The following CAPRIN1 variants were observed in gnomAD, a reference collection of about 807,000 sequenced individuals.
CAPRIN1 encodes caprin-1.
In CAPRIN1, 29 loss-of-function variants were observed where a neutral mutation model predicts 100.9. That is an observed-to-expected ratio of 0.29 (90% CI 0.21 to 0.39). The LOEUF is 0.39. CAPRIN1 is among the 10% of genes least tolerant of loss of function. The pLI is 1.00. For synonymous variants in CAPRIN1, 338 were observed against 307.5 expected, an observed-to-expected ratio of 1.10 and a Z score of -1.04; for missense variants, 795 against 876.7, an observed-to-expected ratio of 0.91 and a Z score of 1.18.
rs896238091 is a variant in CAPRIN1, at chr11:34,100,403, G to C, written c.*1036G>C. On this transcript the variant is annotated 3_prime_UTR_variant, in exon 19 of 19. Transcript: ENST00000341394. Reference sequence around the variant, plus strand: ...CTTTTCAATTGCTATCTTTTGAAAGGCACCAGTATGTGTTTTAGATTGATT... The same window carrying C: ...CTTTTCAATTGCTATCTTTTGAAAGCCACCAGTATGTGTTTTAGATTGATT... 6.6e-6 allele frequency: 1 copy of C among 152,124 alleles called. No individual in the cohort carries two copies. Among genetic ancestry groups the C allele is most frequent in the African/African-American group, 2.4e-5 (1 of 41,430 alleles). 9.4% of individuals were successfully genotyped at this position (152,124 alleles called of 1,614,324 possible).
intron 7 of CAPRIN1, 140 bp downstream of exon 7, chr11:34,079,905 G>GTTTTT (rs377455073): frequency 2.2e-5 from 7 of 316,652 alleles, no homozygotes; most frequent in African/African-American, 1.7e-4. Flanking sequence ...GCATGACAAA[G>GTTTTT]TTTTTTTTTT....
At chr11:34,079,401 A>C (rs572337784) in intron 6 of CAPRIN1, among the ~76,000 whole-genome samples, 1 of 152,334 alleles carries the variant, frequency 6.6e-6, no homozygotes, top group South Asian at 2.1e-4. Context: ...CTGTATCTCA[A>C]AAACAAACAA....
chr11:34,064,023 C>A (rs1430699251), intron 2 of CAPRIN1, among the ~76,000 whole-genome samples: 1 of 152,188 alleles, frequency 6.6e-6, no homozygotes, highest in African/African-American at 2.4e-5. Context: ...CTGTCTCGGC[C>A]TCCCAGAGTG....
chr11:34,061,995 C>G (rs1256721287), intron 2 of CAPRIN1, among the ~76,000 whole-genome samples: 2 of 147,620 alleles, frequency 1.4e-5, no homozygotes, highest in Admixed American at 6.8e-5. Context: ...AAAGTATATC[C>G]TTACCACCAC....
At chr11:34,072,074 T>TTA in intron 4 of CAPRIN1, 87 bp downstream of exon 4, 1 of 805,158 alleles carries the variant, frequency 1.2e-6, no homozygotes, top group Non-Finnish European at 2.0e-6. Context: ...ATAAGCTCTC[T>TTA]GCAAGGTGAG....
chr11:34,090,795 GT>G (rs1851248952), intron 14 of CAPRIN1, 117 bp downstream of exon 14: 1 of 794,876 alleles, frequency 1.3e-6, no homozygotes. Flanking sequence ...TTCATTAACT[GT>G]AGGGTATATT....
intron 2 of CAPRIN1, among the ~76,000 whole-genome samples, chr11:34,063,785 T>C (rs559676152): frequency 2.0e-4 from 30 of 152,316 alleles, no homozygotes; most frequent in African/African-American, 7.0e-4. Flanking sequence ...CATTGTAACG[T>C]AGTAGGCTTT....
chr11:34,093,227 T>C (rs1462411732), intron 15 of CAPRIN1, among the ~76,000 whole-genome samples: 1 of 147,130 alleles, frequency 6.8e-6, no homozygotes, highest in East Asian at 2.1e-4. Flanking sequence ...ATGGGGTCTC[T>C]GTCTGTTGCC....
chr11:34,099,402 C>T lies in CAPRIN1; in HGVS notation c.*35C>T, dbSNP rs1167647005. 4.0e-5 allele frequency: 60 copies of T among 1,514,322 alleles called. 1 individual carries two copies. In the East Asian group the frequency reaches 1.3e-3, roughly 33 times the overall value. 93.8% of individuals were successfully genotyped at this position (1,514,322 alleles called of 1,614,324 possible). A position where few individuals can be genotyped will look rare whatever the true frequency, so the allele number is the denominator to read the frequency against. ...CAGGATTATGTTTAATCGCCAAAAA[C>T]ACACTGGCCAGTGTACCATAATATG... On this transcript the variant is annotated 3_prime_UTR_variant, in exon 19 of 19. Transcript: ENST00000341394.
chr11:34,076,085 A>G, intron 4 of CAPRIN1, 151 bp from the exon 5 acceptor site: 1 of 608,344 alleles, frequency 1.6e-6, no homozygotes, highest in South Asian at 2.0e-5. Context: ...TATGTTTAAA[A>G]CTATTTGTAA....
intron 11 of CAPRIN1, among the ~76,000 whole-genome samples, chr11:34,089,059 A>C (rs1851206961): frequency 6.6e-6 from 1 of 151,650 alleles, no homozygotes; most frequent in South Asian, 2.1e-4. Context: ...GCTTGAGCCT[A>C]GGAGTTTGAG....
intron 2 of CAPRIN1, among the ~76,000 whole-genome samples, chr11:34,058,888 C>T (rs997678420): frequency 2.0e-5 from 3 of 152,160 alleles, no homozygotes; most frequent in South Asian, 2.1e-4. Context: ...AGTGTGACAA[C>T]CTTTTCATCC....
Position 34,097,673 on chromosome 11 carries a change from C to T in CAPRIN1, c.2002-25C>T, listed in dbSNP as rs1851393462. 1.9e-6 allele frequency: 3 copies of T among 1,613,672 alleles called. No individual in the cohort carries two copies. In the South Asian group the frequency reaches 3.3e-5, roughly 18 times the overall value. Reference sequence around the variant, plus strand: ...AAGCATTTTTTAAAAAGTACCTTTTCAATACTAACTAGCTTGTCTTTTAGG... The same window carrying T: ...AAGCATTTTTTAAAAAGTACCTTTTTAATACTAACTAGCTTGTCTTTTAGG... On this transcript the variant is annotated intron_variant, in intron 17 of 18. Transcript: ENST00000341394.
chr11:34,096,698 T>C (rs929892704), intron 16 of CAPRIN1, 25 bp downstream of exon 16: 15 of 1,549,758 alleles, frequency 9.7e-6, no homozygotes, highest in African/African-American at 1.4e-5. Flanking sequence ...AAGGAGGTTC[T>C]AATGACCTTT....
rs758498277 is a variant in CAPRIN1, at chr11:34,052,532, G to T, written c.112G>T (p.Ala38Ser). Residue 38 changes from alanine (A) to serine (S), a missense_variant, in exon 2 of 19, where the codon GCT becomes TCT. Ala to Ser is a moderately conservative substitution (Grantham distance 99). Around this residue, in one of 3 missense-constraint regions of CAPRIN1, gnomAD observed 109 missense variants for 86.6 expected, o/e 1.26. Transcript: ENST00000341394. Reference protein sequence around the residue: ...AAAGAGAAAPASQHPATGTGA... With the variant: ...AAAGAGAAAPSSQHPATGTGA... ...CGCGGGAGCCGGGGCCGCCGCGCCG[G>T]CTTCTCAGCACCCCGCAACCGGCAC... 6.2e-7 allele frequency: 1 copy of T among 1,606,296 alleles called. No homozygotes were observed. Among genetic ancestry groups the T allele is most frequent in the South Asian group, 1.1e-5 (1 of 90,616 alleles).
At chr11:34,091,365 C>G (rs1262149032) in intron 14 of CAPRIN1, among the ~76,000 whole-genome samples, 2 of 152,190 alleles carry the variant, frequency 1.3e-5, no homozygotes, top group Non-Finnish European at 2.9e-5. Context: ...CAGCTCACTG[C>G]AATATCCGCC....
rs1323233106 is a variant in CAPRIN1 at position 34,101,551 on chromosome 11, T to C, written c.*2184T>C. Among the ~76,000 whole-genome samples, 1 of 152,256 alleles carries C rather than the reference T, an allele frequency of 6.6e-6. No homozygotes were observed. Reference sequence around the variant, plus strand: ...TGTTGTGAATGTGTAAAGGTGTTCATAGTTTGACTGTTTCTATGTATGTTT... The same window carrying C: ...TGTTGTGAATGTGTAAAGGTGTTCACAGTTTGACTGTTTCTATGTATGTTT... On this transcript the variant is annotated 3_prime_UTR_variant, in exon 19 of 19. Transcript: ENST00000341394.
intron 2 of CAPRIN1, among the ~76,000 whole-genome samples, chr11:34,064,419 A>G (rs1402280311): frequency 6.6e-6 from 1 of 152,242 alleles, no homozygotes; most frequent in Non-Finnish European, 1.5e-5. Flanking sequence ...AAGCCACTTA[A>G]GATGGCATCA....
intron 2 of CAPRIN1, among the ~76,000 whole-genome samples, chr11:34,066,268 G>T (rs1332560057): frequency 6.6e-6 from 1 of 152,098 alleles, no homozygotes; most frequent in Non-Finnish European, 1.5e-5. Context: ...AGGATTACAG[G>T]TGTGAGCCAC....
Sources: gnomAD v4.1 joint callset for allele counts (sites outside exome capture counted in the v4.1 genomes callset) on GRCh38, gnomAD v4.1.1 for gene constraint, gnomAD v4.1.1 regional missense constraint, MANE v1.5 for transcripts, NCBI Gene and HGNC (gene_info 2026-07-23, HGNC 2026-07-21) for gene names.